SRPX: variants seen among roughly 807,000 people sequenced by gnomAD.
SRPX encodes sushi repeat containing protein X-linked.
SRPX carries 24 observed loss-of-function variants against 38.1 expected under a neutral mutation model. That is an observed-to-expected ratio of 0.63 (90% CI 0.46 to 0.89). The LOEUF (loss-of-function observed/expected upper bound fraction) is 0.89. SRPX is among the 40% of genes least tolerant of loss of function. SRPX has a pLI of 0.00. For synonymous variants in SRPX, 184 were observed against 153.8 expected (o/e 1.20, Z -1.45); for missense variants, 416 against 377.8 (o/e 1.10, Z -0.84).
chrX:38,170,386 C>T (rs1034944038), intron 4 of SRPX, among the ~76,000 whole-genome samples: 8 of 112,427 alleles, frequency 7.1e-5, no homozygotes, highest in Non-Finnish European at 3.8e-5. Context: ...TATTTTAATA[C>T]ATTTAAAGCC....
chrX:38,167,301 G>A (rs1008018282), intron 4 of SRPX, among the ~76,000 whole-genome samples: 7 of 111,002 alleles, frequency 6.3e-5, no homozygotes, highest in East Asian at 5.6e-4. Context: ...AGTGTTTTCC[G>A]CCAACCTTTG....
intron 1 of SRPX, among the ~76,000 whole-genome samples, chrX:38,186,940 GT>G (rs1244752747): frequency 2.7e-5 from 3 of 111,053 alleles, no homozygotes; most frequent in Non-Finnish European, 5.7e-5. Context: ...TCAATTATAG[GT>G]TTTTTTCCTG....
chrX:38,189,917 T>C (rs1288521043), intron 1 of SRPX, among the ~76,000 whole-genome samples: 1 of 112,067 alleles, frequency 8.9e-6, no homozygotes. Context: ...GCCTACACAT[T>C]ACTGATATGC....
At chrX:38,217,810 T>C (rs1025454853) in intron 1 of SRPX, among the ~76,000 whole-genome samples, 2 of 112,057 alleles carry the variant, frequency 1.8e-5, no homozygotes, top group Non-Finnish European at 3.8e-5. Context: ...GCTTTAACAA[T>C]GGTTTCTGGT....
At chrX:38,154,611 A>G in intron 8 of SRPX, 28 bp from the exon 9 acceptor site, 1 of 1,205,468 alleles carries the variant, frequency 8.3e-7, no homozygotes. Flanking sequence ...CAACAGGGGA[A>G]GTATGAGCAT....
chrX:38,188,955 T>A (rs1938842019), intron 1 of SRPX, among the ~76,000 whole-genome samples: 1 of 112,052 alleles, frequency 8.9e-6, no homozygotes, highest in Non-Finnish European at 1.9e-5. Context: ...AATGAAGGAA[T>A]CTGAAAATCT....
chrX:38,178,219 CA>C, intron 2 of SRPX, 65 bp downstream of exon 2: 1 of 918,198 alleles, frequency 1.1e-6, no homozygotes, highest in East Asian at 3.1e-5. Context: ...ATCTGTTTCA[CA>C]AGGCAAAAAG....
At chrX:38,172,174 C>T (rs1938484089) in intron 3 of SRPX, 117 bp from the exon 4 acceptor site, 1 of 811,324 alleles carries the variant, frequency 1.2e-6, no homozygotes, top group Non-Finnish European at 1.7e-6. Context: ...TATAAGAAGG[C>T]CAGGCGCAGT....
At chrX:38,174,548 T>A (rs1197374613) in intron 2 of SRPX, among the ~76,000 whole-genome samples, 197 bp from the exon 3 acceptor site, 1 of 111,573 alleles carries the variant, frequency 9.0e-6, no homozygotes, top group African/African-American at 3.3e-5. Context: ...TGAACATGAA[T>A]CTGAGTTCCT....
chrX:38,192,082 T>C (rs1938916414), intron 1 of SRPX, among the ~76,000 whole-genome samples: 1 of 111,499 alleles, frequency 9.0e-6, no homozygotes, highest in East Asian at 2.8e-4. Flanking sequence ...ATCCAACGAA[T>C]ACCACATTTA....
intron 1 of SRPX, among the ~76,000 whole-genome samples, chrX:38,220,117 T>C (rs1199036185): frequency 8.8e-6 from 1 of 113,328 alleles, no homozygotes; most frequent in East Asian, 2.8e-4. Context: ...GTCACCACTC[T>C]CAGCTGGCAA....
At chrX:38,198,387 C>T (rs1374723658) in intron 1 of SRPX, among the ~76,000 whole-genome samples, 1 of 112,126 alleles carries the variant, frequency 8.9e-6, no homozygotes, top group Non-Finnish European at 1.9e-5. Context: ...GTCTCAGATT[C>T]AATTCAAAGA....
intron 9 of SRPX, among the ~76,000 whole-genome samples, chrX:38,150,874 T>C (rs1056909461): frequency 8.9e-6 from 1 of 112,330 alleles, no homozygotes; most frequent in African/African-American, 3.2e-5. Context: ...TAGATGGGAA[T>C]AGCTAGAGAA....
intron 1 of SRPX, among the ~76,000 whole-genome samples, chrX:38,215,807 C>A (rs1003215322): frequency 8.9e-6 from 1 of 112,133 alleles, no homozygotes; most frequent in African/African-American, 3.2e-5. Context: ...AAGGCAATTA[C>A]AATTTACGAT....
chrX:38,204,330 C>T (rs1380950065), intron 1 of SRPX, among the ~76,000 whole-genome samples: 1 of 112,033 alleles, frequency 8.9e-6, no homozygotes, highest in Non-Finnish European at 1.9e-5. Context: ...AGACATATTA[C>T]AAAACTACAG....
intron 9 of SRPX, among the ~76,000 whole-genome samples, chrX:38,151,994 C>A (rs1260434257): frequency 1.8e-5 from 2 of 111,328 alleles, no homozygotes; most frequent in African/African-American, 6.5e-5. Flanking sequence ...CAACCCCAGG[C>A]ACCCAGTCTC....
Position 38,220,787 on chromosome X carries a change from C to A in SRPX, c.6G>T (p.Gly2=). 9.1e-7 allele frequency: 1 copy of A among 1,103,068 alleles called. No homozygotes were observed. 90.9% of individuals were successfully genotyped at this position (1,103,068 alleles called of 1,213,427 possible). Residue 2 remains glycine (G), a synonymous_variant, in exon 1 of 10, where the codon GGG becomes GGT. Coordinates refer to ENST00000378533, the MANE Select transcript of SRPX (RefSeq NM_006307.5). M[G]SPAHRPALLL... is the part of the protein sequence containing the mutation. Reference sequence around the variant, plus strand: ...GCAGCGCGGGCCGATGTGCGGGGCTCCCCATGGCGAGCGGGCGCTTAGCTC... The same window carrying A: ...GCAGCGCGGGCCGATGTGCGGGGCTACCCATGGCGAGCGGGCGCTTAGCTC...
intron 1 of SRPX, among the ~76,000 whole-genome samples, chrX:38,189,059 C>T (rs1330073346): frequency 1.8e-5 from 2 of 111,318 alleles, no homozygotes; most frequent in Middle Eastern, 4.2e-3. Context: ...CAAGCAGACA[C>T]TGAGTTTCCT....
At chrX:38,153,445 C>G (rs1324459586) in intron 9 of SRPX, among the ~76,000 whole-genome samples, 1 of 108,638 alleles carries the variant, frequency 9.2e-6, no homozygotes, top group Non-Finnish European at 1.9e-5. Flanking sequence ...TTGTGTCTAT[C>G]TATAGCATCA....
Sources: gnomAD v4.1 joint callset for allele counts (sites outside exome capture counted in the v4.1 genomes callset) on GRCh38, gnomAD v4.1.1 for gene constraint, MANE v1.5 for transcripts, NCBI Gene and HGNC (gene_info 2026-07-23, HGNC 2026-07-21) for gene names.